Variants in BTBD9 observed in about 807,000 individuals in gnomAD.
The protein encoded by BTBD9 is BTB/POZ domain-containing protein 9.
A neutral mutation model predicts 64.3 loss-of-function variants in BTBD9; 49 were observed. The observed-to-expected ratio is 0.76, with a 90% CI of 0.61 to 0.97. The LOEUF (loss-of-function observed/expected upper bound fraction) is 0.97. Ranked by LOEUF, BTBD9 falls within the 50% of genes least tolerant of loss-of-function variation. The pLI is 0.00. For missense variants in BTBD9, 598 were observed against 762.1 expected, an observed-to-expected ratio of 0.78 and a Z score of 2.53; for synonymous variants, 260 against 274.7, an observed-to-expected ratio of 0.95 and a Z score of 0.53.
intron 6 of BTBD9, among the ~76,000 whole-genome samples, chr6:38,558,551 G>A (rs1238198269): frequency 6.6e-6 from 1 of 152,158 alleles, no homozygotes; most frequent in Non-Finnish European, 1.5e-5. Flanking sequence ...TGGCTCTTAT[G>A]ATTTTGAGGT....
chr6:38,585,935 A>AG (rs1776496417), intron 4 of BTBD9, among the ~76,000 whole-genome samples: 2 of 116,488 alleles, frequency 1.7e-5, no homozygotes, highest in Admixed American at 9.0e-5. Context: ...TAAACAGGAC[A>AG]GACCACACAC....
intron 9 of BTBD9, among the ~76,000 whole-genome samples, chr6:38,239,115 G>C (rs1379274264): frequency 1.3e-5 from 2 of 152,082 alleles, no homozygotes; most frequent in African/African-American, 4.8e-5. Context: ...AAGTCATCTA[G>C]TGCAAGTTCA....
intron 6 of BTBD9, among the ~76,000 whole-genome samples, chr6:38,403,725 A>C (rs1582373124): frequency 6.6e-6 from 1 of 152,218 alleles, no homozygotes; most frequent in South Asian, 2.1e-4. Context: ...TTCTACTCCT[A>C]GTTATATACT....
At chr6:38,499,213 C>T (rs562332217) in intron 6 of BTBD9, among the ~76,000 whole-genome samples, 1 of 152,154 alleles carries the variant, frequency 6.6e-6, no homozygotes, top group East Asian at 1.9e-4. Context: ...AGCACACTGC[C>T]AAGTATTGCC....
At chr6:38,439,944 A>C (rs1403559187) in intron 6 of BTBD9, among the ~76,000 whole-genome samples, 1 of 152,294 alleles carries the variant, frequency 6.6e-6, no homozygotes, top group East Asian at 1.9e-4. Context: ...TAAGCAAAAC[A>C]TTGGAATTAC....
At chr6:38,238,148 C>T (rs1763854094) in intron 9 of BTBD9, among the ~76,000 whole-genome samples, 1 of 152,162 alleles carries the variant, frequency 6.6e-6, no homozygotes, top group Non-Finnish European at 1.5e-5. Context: ...CTCATTCAAT[C>T]TTTTTTAAAC....
intron 7 of BTBD9, among the ~76,000 whole-genome samples, chr6:38,335,606 C>G (rs1377106572): frequency 6.6e-6 from 1 of 151,344 alleles, no homozygotes; most frequent in Non-Finnish European, 1.5e-5. Flanking sequence ...TGCTCTGTTG[C>G]CAAGGCTGGA....
intron 1 of BTBD9, among the ~76,000 whole-genome samples, chr6:38,624,263 C>T (rs146526437): frequency 7.2e-5 from 11 of 152,226 alleles, no homozygotes; most frequent in East Asian, 5.8e-4. Flanking sequence ...GGACAATAAG[C>T]GAATAAAAGC....
chr6:38,561,106 G>C (rs906875241), intron 6 of BTBD9, among the ~76,000 whole-genome samples: 4 of 152,138 alleles, frequency 2.6e-5, no homozygotes, highest in African/African-American at 9.7e-5. Context: ...TCAGTAATGG[G>C]ATTGCTGGGT....
At chr6:38,533,129 T>A (rs1181335151) in intron 6 of BTBD9, among the ~76,000 whole-genome samples, 3 of 151,046 alleles carry the variant, frequency 2.0e-5, no homozygotes, top group South Asian at 2.1e-4. Context: ...ATAATAATAA[T>A]AAAAAAAACA....
intron 7 of BTBD9, among the ~76,000 whole-genome samples, chr6:38,325,119 G>A (rs968262180): frequency 8.6e-5 from 13 of 151,882 alleles, no homozygotes; most frequent in African/African-American, 3.1e-4. Flanking sequence ...CTTAATACTG[G>A]GTGAGAAAGT....
rs575702879 is a variant in BTBD9 at position 38,250,568 on chromosome 6, T to C, written c.1562+5841A>G. On this transcript the variant is annotated intron_variant, in intron 9 of 10. Transcript: ENST00000481247. The stretch of plus-strand genomic sequence containing the variant: ...TATTTTAATGAGTTCTTAGTGTTTT[T>C]CCCTTTTCAGGATCAATTTATAGTT... Among the ~76,000 whole-genome samples, 37 of 152,318 alleles carry C rather than the reference T, an allele frequency of 2.4e-4. No individual in the cohort carries two copies. In the South Asian group the frequency reaches 6.2e-3, roughly 26 times the overall value.
chr6:38,179,966 T>A, intron 10 of BTBD9: 1 of 396,920 alleles, frequency 2.5e-6, no homozygotes, highest in Non-Finnish European at 5.1e-6. Context: ...ACCTCACTCC[T>A]GGCAGCCTGT....
chr6:38,299,357 T>C (rs1352324322), intron 7 of BTBD9, among the ~76,000 whole-genome samples: 1 of 152,232 alleles, frequency 6.6e-6, no homozygotes, highest in Non-Finnish European at 1.5e-5. Context: ...TTTATAGTCA[T>C]TTGGGTATAT....
chr6:38,436,887 T>C (rs1487151149), intron 6 of BTBD9, among the ~76,000 whole-genome samples: 2 of 152,200 alleles, frequency 1.3e-5, no homozygotes, highest in African/African-American at 4.8e-5. Flanking sequence ...GGAAGTGCTA[T>C]AAATTACAAG....
At chr6:38,279,044 T>C (rs1472243043) in intron 8 of BTBD9, among the ~76,000 whole-genome samples, 1 of 152,082 alleles carries the variant, frequency 6.6e-6, no homozygotes, top group Admixed American at 6.6e-5. Flanking sequence ...AGACCCTGAG[T>C]GTCCAGGAAA....
At chr6:38,190,663 G>A (rs976751981) in intron 10 of BTBD9, among the ~76,000 whole-genome samples, 1 of 152,090 alleles carries the variant, frequency 6.6e-6, no homozygotes, top group Non-Finnish European at 1.5e-5. Context: ...CACCAAAGTG[G>A]TTGGGGCCCC....
intron 1 of BTBD9, among the ~76,000 whole-genome samples, chr6:38,639,068 T>C (rs1198074846): frequency 6.6e-6 from 1 of 152,170 alleles, no homozygotes; most frequent in Non-Finnish European, 1.5e-5. Flanking sequence ...CATACTTCCT[T>C]GGATCTACTA....
At chr6:38,490,157 C>T (rs140030762) in intron 6 of BTBD9, among the ~76,000 whole-genome samples, 75 of 152,242 alleles carry the variant, frequency 4.9e-4, no homozygotes, top group Middle Eastern at 3.4e-3. Context: ...GGAGTAGAAA[C>T]GCTACCAGAT....
Sources: gnomAD v4.1 joint callset for allele counts (sites outside exome capture counted in the v4.1 genomes callset) on GRCh38, gnomAD v4.1.1 for gene constraint, MANE v1.5 for transcripts, NCBI Gene and HGNC (gene_info 2026-07-23, HGNC 2026-07-21) for gene names.